Variants in SUGCT observed in about 807,000 individuals in gnomAD.
The protein encoded by SUGCT is succinyl-CoA:glutarate CoA-transferase.
SUGCT carries 41 observed loss-of-function variants against 55.0 expected under a neutral mutation model. The ratio of observed to expected loss-of-function variants is 0.74; its 90% CI spans 0.58 to 0.97. The LOEUF is 0.97. Ranked by LOEUF, SUGCT falls within the 50% of genes least tolerant of loss-of-function variation. SUGCT has a pLI of 0.00. For missense variants in SUGCT, 568 were observed against 547.8 expected (o/e 1.04, Z -0.37); for synonymous variants, 187 against 200.4 (o/e 0.93, Z 0.56).
intron 8 of SUGCT, among the ~76,000 whole-genome samples, chr7:40,282,074 G>A (rs1792987458): frequency 6.6e-6 from 1 of 152,074 alleles, no homozygotes; most frequent in African/African-American, 2.4e-5. Flanking sequence ...GGGATTACAG[G>A]CATGAGCCAC....
At chr7:40,241,822 A>C (rs1789413115) in intron 7 of SUGCT, among the ~76,000 whole-genome samples, 1 of 150,084 alleles carries the variant, frequency 6.7e-6, no homozygotes. Context: ...TGGGAGGCTG[A>C]GGCAGGAGAA....
chr7:40,683,989 C>G, intron 12 of SUGCT: 1 of 1,595,908 alleles, frequency 6.3e-7, no homozygotes, highest in Non-Finnish European at 8.5e-7. Flanking sequence ...ATGTGTGTTA[C>G]TGGCAGAATT....
chr7:40,237,520 ATAG>A (rs1789093342), intron 6 of SUGCT, 112 bp from the exon 7 acceptor site: 3 of 806,168 alleles, frequency 3.7e-6, no homozygotes, highest in Non-Finnish European at 6.5e-6. Flanking sequence ...TATAGATCTA[ATAG>A]TCTCGAAATG....
At chr7:40,507,439 T>C (rs1002542034) in intron 12 of SUGCT, among the ~76,000 whole-genome samples, 2 of 152,202 alleles carry the variant, frequency 1.3e-5, no homozygotes, top group Non-Finnish European at 2.9e-5. Flanking sequence ...TCCTTTACCG[T>C]TGGATGTGTG....
chr7:40,828,576 T>TAAAA (rs11419901), intron 13 of SUGCT, among the ~76,000 whole-genome samples: 47 of 89,960 alleles, frequency 5.2e-4, no homozygotes, highest in African/African-American at 2.0e-3. Context: ...CTTGCTACAG[T>TAAAA]AAAAAAAAAA....
At chr7:40,413,801 CAT>C (rs1233906552) in intron 9 of SUGCT, among the ~76,000 whole-genome samples, 1 of 151,932 alleles carries the variant, frequency 6.6e-6, no homozygotes, top group Non-Finnish European at 1.5e-5. Flanking sequence ...CTAGTGACAA[CAT>C]AAAAAAAACT....
At chr7:40,963,789 A>T in the SUGCT span, among the ~76,000 whole-genome samples, 2 of 152,202 alleles carry the variant, frequency 1.3e-5, no homozygotes, top group Non-Finnish European at 2.9e-5. Flanking sequence ...GTTGCAAATC[A>T]TCAAGATAGA....
At chr7:40,831,258 T>C (rs1792648739) in intron 13 of SUGCT, among the ~76,000 whole-genome samples, 1 of 152,190 alleles carries the variant, frequency 6.6e-6, no homozygotes, top group African/African-American at 2.4e-5. Flanking sequence ...TCCAACTCTG[T>C]CTTCTTCCCT....
At chr7:40,400,575 T>G (rs1176823167) in intron 9 of SUGCT, among the ~76,000 whole-genome samples, 1 of 152,202 alleles carries the variant, frequency 6.6e-6, no homozygotes, top group Non-Finnish European at 1.5e-5. Context: ...GAGAGCCAAC[T>G]TCTATCTCCA....
chr7:40,537,232 C>T (rs1278955292), intron 12 of SUGCT, among the ~76,000 whole-genome samples: 1 of 152,140 alleles, frequency 6.6e-6, no homozygotes, highest in African/African-American at 2.4e-5. Flanking sequence ...GTAAAACTTG[C>T]TCTTTTGCTA....
chr7:40,455,424 G>T (rs1049646239), intron 10 of SUGCT, among the ~76,000 whole-genome samples: 1 of 152,154 alleles, frequency 6.6e-6, no homozygotes, highest in African/African-American at 2.4e-5. Context: ...CCAACTCTAT[G>T]CTGTCCAATT....
intron 9 of SUGCT, among the ~76,000 whole-genome samples, chr7:40,411,340 C>T (rs1421374740): frequency 6.6e-6 from 1 of 152,180 alleles, no homozygotes; most frequent in Non-Finnish European, 1.5e-5. Context: ...CTGCAGTGAG[C>T]CGAGATCGTG....
At chr7:40,407,712 G>A (rs951815074) in intron 9 of SUGCT, among the ~76,000 whole-genome samples, 26 of 151,974 alleles carry the variant, frequency 1.7e-4, no homozygotes, top group Admixed American at 1.7e-3. Context: ...CTTTTCTTAG[G>A]AATGAATTAA....
chr7:41,028,308 G>T, the SUGCT span, among the ~76,000 whole-genome samples: 1 of 152,220 alleles, frequency 6.6e-6, no homozygotes, highest in East Asian at 1.9e-4. Context: ...AAGGCTTTAA[G>T]AAATAAAGTC....
At chr7:40,937,933 A>G in the SUGCT span, among the ~76,000 whole-genome samples, 2 of 152,212 alleles carry the variant, frequency 1.3e-5, no homozygotes, top group Non-Finnish European at 1.5e-5. Context: ...ATCATCAGGC[A>G]TTAGTTAGAT....
intron 12 of SUGCT, among the ~76,000 whole-genome samples, chr7:40,713,172 C>G (rs1429549118): frequency 1.3e-5 from 2 of 152,182 alleles, no homozygotes; most frequent in Admixed American, 6.5e-5. Flanking sequence ...GATGCAAGGA[C>G]AGGAGAAGCC....
rs1788904459 is a variant in SUGCT at position 40,768,232 on chromosome 7, ACTACC to A, written c.1153+18736_1153+18740del. Among the ~76,000 whole-genome samples the A allele has an allele frequency of 1.2e-4, 18 of 152,194 alleles. No individual in the cohort carries two copies. In the South Asian group the frequency reaches 2.9e-3, roughly 25 times the overall value. On this transcript the variant is annotated intron_variant, in intron 13 of 13. Transcript: ENST00000335693. ...ATAGTCAGGGGCCTCAGGCTGCTTC[ACTACC>A]TATTTCTTAGAACTCTGCACAGCTT...
At chr7:40,489,803 G>A (rs1429226163) in intron 11 of SUGCT, among the ~76,000 whole-genome samples, 2 of 152,116 alleles carry the variant, frequency 1.3e-5, no homozygotes, top group African/African-American at 4.8e-5. Flanking sequence ...TCTCTTCAAG[G>A]TCAGTCCCCA....
At chr7:40,571,007 C>T (rs942498437) in intron 12 of SUGCT, among the ~76,000 whole-genome samples, 12 of 151,900 alleles carry the variant, frequency 7.9e-5, no homozygotes, top group Admixed American at 2.0e-4. Flanking sequence ...TTACAGGCAC[C>T]TGCCACAGTG....
Sources: gnomAD v4.1 joint callset for allele counts (sites outside exome capture counted in the v4.1 genomes callset) on GRCh38, gnomAD v4.1.1 for gene constraint, MANE v1.5 for transcripts, NCBI Gene and HGNC (gene_info 2026-07-23, HGNC 2026-07-21) for gene names.